WWTR1: variants seen among roughly 807,000 people sequenced by gnomAD.
The protein encoded by WWTR1 is WW domain containing transcription regulator 1, also known as WW domain-containing transcription regulator protein 1.
A neutral mutation model predicts 40.1 loss-of-function variants in WWTR1; 13 were observed. That is an observed-to-expected ratio of 0.32 (90% CI 0.21 to 0.52). WWTR1 has a LOEUF of 0.52. Ranked by LOEUF, WWTR1 falls within the 20% of genes least tolerant of loss-of-function variation. The pLI is 0.97. For synonymous variants in WWTR1, 230 were observed against 210.1 expected (o/e 1.09, Z -0.82); for missense variants, 436 against 523.1 (o/e 0.83, Z 1.63).
chr3:149,532,998 C>T (rs1234315567), intron 4 of WWTR1, among the ~76,000 whole-genome samples: 3 of 152,226 alleles, frequency 2.0e-5, no homozygotes, highest in Non-Finnish European at 4.4e-5. Context: ...GCTGCCTTCA[C>T]TCAGCACCCC....
intron 2 of WWTR1, among the ~76,000 whole-genome samples, chr3:149,622,502 G>GAAGAAAGAAAGAAAGAAAGAAAGAAAGA (rs60148340): frequency 3.2e-4 from 15 of 46,320 alleles, no homozygotes; most frequent in Admixed American, 9.0e-4. Flanking sequence ...AGGAAGGAAG[G>GAAGAAAGAAAGAAAGAAAGAAAGAAAGA]AAGAAAGAAA....
At chr3:149,636,398 G>A (rs372585487) in intron 2 of WWTR1, among the ~76,000 whole-genome samples, 43 of 152,114 alleles carry the variant, frequency 2.8e-4, no homozygotes, top group African/African-American at 9.7e-4. Flanking sequence ...GCAAGGAGGG[G>A]GTAGTAAATT....
At chr3:149,722,941 C>G (rs776873542) in intron 4 of WWTR1, among the ~76,000 whole-genome samples, 6 of 152,008 alleles carry the variant, frequency 3.9e-5, no homozygotes, top group Non-Finnish European at 8.8e-5. Flanking sequence ...ACCACATCCT[C>G]CTTTAGTTCT....
chr3:149,605,024 C>T (rs1739421283), intron 2 of WWTR1, among the ~76,000 whole-genome samples: 1 of 152,134 alleles, frequency 6.6e-6, no homozygotes, highest in Non-Finnish European at 1.5e-5. Flanking sequence ...GGAAGGGTCA[C>T]TAATTGAGAA....
At chr3:149,525,071 C>T (rs1015440356) in intron 6 of WWTR1, among the ~76,000 whole-genome samples, 14 of 152,092 alleles carry the variant, frequency 9.2e-5, no homozygotes, top group Admixed American at 5.9e-4. Context: ...GAAAGGTAAT[C>T]GGGAAGCCTG....
intron 2 of WWTR1, among the ~76,000 whole-genome samples, chr3:149,654,564 G>A (rs1713086690): frequency 6.6e-6 from 1 of 152,164 alleles, no homozygotes. Context: ...GGGATGGGCA[G>A]AGAGATCACA....
upstream of WWTR1, among the ~76,000 whole-genome samples, chr3:149,707,937 A>G (rs1205985170): frequency 6.6e-6 from 1 of 152,152 alleles, no homozygotes; most frequent in East Asian, 1.9e-4. Flanking sequence ...TGGTATGGCC[A>G]TACCAATACT....
At chr3:149,644,809 T>TA (rs1560100658) in intron 2 of WWTR1, among the ~76,000 whole-genome samples, 1 of 152,054 alleles carries the variant, frequency 6.6e-6, no homozygotes, top group East Asian at 1.9e-4. Context: ...GGTTGCAGGG[T>TA]GGTGGTGGCA....
intron 1 of WWTR1, among the ~76,000 whole-genome samples, chr3:149,700,192 C>T (rs945844185): frequency 6.6e-6 from 1 of 152,114 alleles, no homozygotes; most frequent in Non-Finnish European, 1.5e-5. Flanking sequence ...CTTGGCTGAG[C>T]AAGGTGGCTT....
intron 2 of WWTR1, among the ~76,000 whole-genome samples, chr3:149,616,429 CCTCTCT>C (rs781571623): frequency 5.3e-5 from 8 of 151,392 alleles, no homozygotes; most frequent in East Asian, 1.9e-4. Context: ...AAATGGCTGT[CCTCTCT>C]CTCTCTCTCT....
intron 3 of WWTR1, among the ~76,000 whole-genome samples, chr3:149,553,570 A>G (rs1198712925): frequency 6.6e-6 from 1 of 152,176 alleles, no homozygotes; most frequent in Non-Finnish European, 1.5e-5. Flanking sequence ...CATAATTTAG[A>G]AAGGCTTATA....
At chr3:149,546,350 C>T (rs944632925) in intron 3 of WWTR1, among the ~76,000 whole-genome samples, 12 of 152,196 alleles carry the variant, frequency 7.9e-5, no homozygotes, top group Non-Finnish European at 1.5e-4. Context: ...TAAAAATGAT[C>T]TTAATGTCCA....
At chr3:149,714,589 G>C (rs1041944985) in intron 5 of WWTR1, among the ~76,000 whole-genome samples, 2 of 152,228 alleles carry the variant, frequency 1.3e-5, no homozygotes, top group South Asian at 4.1e-4. Flanking sequence ...AGACCAGGGG[G>C]TGCTGAGGAC....
upstream of WWTR1, among the ~76,000 whole-genome samples, chr3:149,706,848 A>G (rs947363756): frequency 3.3e-4 from 51 of 152,294 alleles, no homozygotes; most frequent in Non-Finnish European, 4.1e-4. Flanking sequence ...ATACAAAACA[A>G]AGCAGCAATA....
intron 2 of WWTR1, among the ~76,000 whole-genome samples, chr3:149,638,941 A>C (rs1157028057): frequency 1.3e-5 from 2 of 152,180 alleles, no homozygotes; most frequent in East Asian, 3.9e-4. Context: ...GAGAGCAAAA[A>C]CACCGCAGAG....
At chr3:149,568,625 A>G (rs1737466888) in intron 3 of WWTR1, among the ~76,000 whole-genome samples, 1 of 151,406 alleles carries the variant, frequency 6.6e-6, no homozygotes, top group Admixed American at 6.6e-5. Context: ...TGTTCAACAA[A>G]TCTGCCAACC....
At chr3:149,555,357 A>C (rs1736778408) in intron 3 of WWTR1, among the ~76,000 whole-genome samples, 1 of 152,226 alleles carries the variant, frequency 6.6e-6, no homozygotes, top group African/African-American at 2.4e-5. Context: ...GTAATAAAAT[A>C]TGGCAAATTA....
chr3:149,710,495 A>C (rs142247967), intron 5 of WWTR1, among the ~76,000 whole-genome samples: 14 of 150,996 alleles, frequency 9.3e-5, no homozygotes, highest in African/African-American at 3.4e-4. Context: ...TAATTATACT[A>C]CTTATAGGAT....
intron 2 of WWTR1, chr3:149,649,895 C>T (rs1409990282): frequency 2.3e-5 from 3 of 128,546 alleles, no homozygotes; most frequent in South Asian, 2.5e-4. Flanking sequence ...CCAGCCTAGG[C>T]GACAAGAGTG....
Sources: allele counts gnomAD v4.1 joint callset (sites outside exome capture counted in the v4.1 genomes callset), GRCh38; gene constraint gnomAD v4.1.1; transcripts MANE v1.5; gene names NCBI Gene and HGNC (gene_info 2026-07-23, HGNC 2026-07-21).